Variants in ZNF136 observed in about 807,000 individuals in gnomAD.
The protein encoded by ZNF136 is zinc finger protein 136, also known as zinc finger protein 136 (clone pHZ-20).
Under a neutral mutation model 11.4 loss-of-function variants are expected in ZNF136, and 8 were observed. The observed-to-expected ratio is 0.70, with a 90% confidence interval of 0.41 to 1.27. ZNF136 has a LOEUF of 1.27. ZNF136 is among the 50% of genes most tolerant of loss of function. The pLI is 0.01. For missense variants in ZNF136, 590 were observed against 656.5 expected, an observed-to-expected ratio of 0.90 and a Z score of 1.11; for synonymous variants, 190 against 207.1, an observed-to-expected ratio of 0.92 and a Z score of 0.71.
intron 1 of ZNF136, among the ~76,000 whole-genome samples, chr19:12,180,188 T>G (rs947150986): frequency 6.6e-6 from 1 of 152,168 alleles, no homozygotes; most frequent in African/African-American, 2.4e-5. Context: ...TTTTTAAAAG[T>G]CTCCCTTATT....
chr19:12,181,444 T>A (rs931258728), intron 1 of ZNF136, among the ~76,000 whole-genome samples: 1 of 151,996 alleles, frequency 6.6e-6, no homozygotes, highest in Admixed American at 6.6e-5. Flanking sequence ...AACTATTTGG[T>A]TTTTTTGTTT....
intron 1 of ZNF136, among the ~76,000 whole-genome samples, chr19:12,180,059 G>A (rs1344214541): frequency 6.6e-6 from 1 of 152,044 alleles, no homozygotes; most frequent in South Asian, 2.1e-4. Context: ...GTAGAGACGG[G>A]GTTTCACCAT....
At chr19:12,164,252 G>C (rs1294063699) in intron 1 of ZNF136, among the ~76,000 whole-genome samples, 1 of 152,026 alleles carries the variant, frequency 6.6e-6, no homozygotes, top group African/African-American at 2.4e-5. Flanking sequence ...ATCAGATGCT[G>C]GTATTGAGGA....
intron 1 of ZNF136, among the ~76,000 whole-genome samples, chr19:12,178,712 G>C (rs537981383): frequency 1.4e-5 from 2 of 147,906 alleles, no homozygotes; most frequent in African/African-American, 5.3e-5. Context: ...TGAATCAGGC[G>C]GGGAGGGGTG....
intron 1 of ZNF136, among the ~76,000 whole-genome samples, chr19:12,165,996 A>G (rs547555258): frequency 6.6e-6 from 1 of 152,212 alleles, no homozygotes; most frequent in South Asian, 2.1e-4. Context: ...GGGAGGCTGA[A>G]GCAGGTGGAT....
chr19:12,185,583 G>A (rs2271624), intron 1 of ZNF136: 75,401 of 569,178 alleles, frequency 0.13, 5,937 homozygotes, highest in African/African-American at 0.25. Context: ...CAAGAAAGAT[G>A]ATCAGACACT....
intron 1 of ZNF136, 175 bp from the exon 2 acceptor site, chr19:12,185,610 A>G: frequency 1.3e-6 from 1 of 746,770 alleles, no homozygotes; most frequent in Non-Finnish European, 2.0e-6. Context: ...GTTCTACCCG[A>G]TAGTTCCATT....
At chr19:12,173,979 C>T (rs1418803059) in intron 1 of ZNF136, among the ~76,000 whole-genome samples, 6 of 152,088 alleles carry the variant, frequency 3.9e-5, no homozygotes, top group Admixed American at 3.3e-4. Flanking sequence ...GATCTCGGCT[C>T]ACTGCAACCT....
At chr19:12,164,531 C>T (rs1467082866) in intron 1 of ZNF136, 2 of 151,852 alleles carry the variant, frequency 1.3e-5, no homozygotes, top group Admixed American at 1.3e-4. Flanking sequence ...CAACCTCTGC[C>T]TCCCGGATTC....
At chr19:12,165,998 C>T (rs565876560) in intron 1 of ZNF136, among the ~76,000 whole-genome samples, 1 of 152,254 alleles carries the variant, frequency 6.6e-6, no homozygotes, top group South Asian at 2.1e-4. Context: ...GAGGCTGAAG[C>T]AGGTGGATCA....
chr19:12,169,860 TCTCGGCTCA>T, intron 1 of ZNF136, among the ~76,000 whole-genome samples: 1 of 152,136 alleles, frequency 6.6e-6, no homozygotes, highest in African/African-American at 2.4e-5. Context: ...AGTGGCGTAA[TCTCGGCTCA>T]CTGCAAGCTC....
intron 1 of ZNF136, among the ~76,000 whole-genome samples, chr19:12,175,739 C>A (rs780935650): frequency 9.2e-5 from 14 of 152,176 alleles, no homozygotes; most frequent in Non-Finnish European, 1.6e-4. Flanking sequence ...TATACAGTGA[C>A]ATTTCTGTTA....
At chr19:12,184,392 G>C (rs964319277) in intron 1 of ZNF136, among the ~76,000 whole-genome samples, 4 of 151,944 alleles carry the variant, frequency 2.6e-5, no homozygotes, top group African/African-American at 7.2e-5. Flanking sequence ...AACCCTGTCT[G>C]TACTAAAAAA....
intron 1 of ZNF136, among the ~76,000 whole-genome samples, chr19:12,177,182 A>G (rs948639271): frequency 6.6e-6 from 1 of 152,204 alleles, no homozygotes; most frequent in Admixed American, 6.5e-5. Context: ...GTTCCCTTCC[A>G]TTTCCAGTTT....
At chr19:12,181,733 C>T (rs1002016831) in intron 1 of ZNF136, among the ~76,000 whole-genome samples, 1 of 152,088 alleles carries the variant, frequency 6.6e-6, no homozygotes, top group Non-Finnish European at 1.5e-5. Context: ...CTCCCGGGTT[C>T]ACACCATTCT....
At chr19:12,166,950 C>A (rs1280870438) in intron 1 of ZNF136, among the ~76,000 whole-genome samples, 3 of 152,034 alleles carry the variant, frequency 2.0e-5, no homozygotes, top group African/African-American at 7.3e-5. Context: ...AAGGAAGGCA[C>A]CAATCAAATA....
chr19:12,187,843 A>C lies in ZNF136; in HGVS notation c.1465A>C (p.Ser489Arg). 6.2e-7 allele frequency: 1 copy of C among 1,604,334 alleles called. No homozygotes were observed. Among genetic ancestry groups the C allele is most frequent in the Non-Finnish European group, 8.5e-7 (1 of 1,176,744 alleles). Residue 489 changes from serine to arginine, a missense_variant, in exon 4 of 4, where the codon AGT (serine) becomes CGT (arginine). Physicochemically the swap from Ser to Arg is moderately radical, Grantham distance 110. Coordinates refer to ENST00000343979, the MANE Select transcript of ZNF136 (RefSeq NM_003437.5). Reference sequence around the variant, plus strand: ...ATGTGGTAAAGCCTTTAGATCTTCTAGTTCCTTTCGACTACATGAAAGGAC... The same window carrying C: ...ATGTGGTAAAGCCTTTAGATCTTCTCGTTCCTTTCGACTACATGAAAGGAC... Reference protein sequence around the residue: ...KRCGKAFRSSSSFRLHERTHT... With the variant: ...KRCGKAFRSSRSFRLHERTHT...
At chr19:12,184,387 T>C (rs915434056) in intron 1 of ZNF136, among the ~76,000 whole-genome samples, 3 of 152,060 alleles carry the variant, frequency 2.0e-5, no homozygotes, top group African/African-American at 7.2e-5. Context: ...GGTGAAACCC[T>C]GTCTGTACTA....
intron 1 of ZNF136, among the ~76,000 whole-genome samples, chr19:12,164,214 C>T (rs1977152909): frequency 6.6e-6 from 1 of 152,120 alleles, no homozygotes; most frequent in African/African-American, 2.4e-5. Flanking sequence ...CAGTTTCCAT[C>T]CTTTGGAGAC....
Sources: allele counts gnomAD v4.1 joint callset (sites outside exome capture counted in the v4.1 genomes callset), GRCh38; gene constraint gnomAD v4.1.1; transcripts MANE v1.5; gene names NCBI Gene and HGNC (gene_info 2026-07-23, HGNC 2026-07-21).